The following SPOCD1 variants were observed in gnomAD, a reference collection of about 807,000 sequenced individuals.
SPOCD1 encodes the protein SPOC domain containing 1, also known as SPOC domain-containing protein 1.
Under a neutral mutation model 92.2 loss-of-function variants are expected in SPOCD1, and 64 were observed. The observed-to-expected ratio is 0.69, with a 90% confidence interval of 0.57 to 0.86. The LOEUF is 0.86. SPOCD1 is among the 40% of genes least tolerant of loss of function. SPOCD1 has a pLI of 0.00. For synonymous variants in SPOCD1, 578 were observed against 619.3 expected, an observed-to-expected ratio of 0.93 and a Z score of 0.99; for missense variants, 1,360 against 1,543.1, an observed-to-expected ratio of 0.88 and a Z score of 1.99.
chr1:31,793,092 C>T (rs748470294), intron 13 of SPOCD1, among the ~76,000 whole-genome samples, 186 bp downstream of exon 13: 44 of 152,244 alleles, frequency 2.9e-4, no homozygotes, highest in Admixed American at 6.5e-4. Flanking sequence ...GGGAGTCCTT[C>T]ACCCTGTTTG....
At chr1:31,801,803 T>G in intron 2 of SPOCD1, 98 bp from the exon 3 acceptor site, 1 of 1,011,828 alleles carries the variant, frequency 9.9e-7, no homozygotes. Context: ...TGAAAGGGTG[T>G]GTGTTCAGTG....
chr1:31,800,867 C>T (rs1215441349), intron 3 of SPOCD1, among the ~76,000 whole-genome samples: 1 of 152,222 alleles, frequency 6.6e-6, no homozygotes, highest in African/African-American at 2.4e-5. Flanking sequence ...TCTCCATCCG[C>T]ATCCTTTCTC....
intron 2 of SPOCD1, among the ~76,000 whole-genome samples, chr1:31,805,787 T>C (rs1325871112): frequency 6.6e-6 from 1 of 151,748 alleles, no homozygotes; most frequent in Admixed American, 6.6e-5. Flanking sequence ...CTATAACAAA[T>C]GTAAATGTAC....
intron 10 of SPOCD1, chr1:31,795,638 G>A (rs1205554313): frequency 3.3e-5 from 5 of 152,092 alleles, no homozygotes; most frequent in Non-Finnish European, 4.4e-5. Flanking sequence ...CACCCCTTAG[G>A]GATCCTCTTG....
At chr1:31,799,906 TG>T in intron 5 of SPOCD1, 43 bp from the exon 6 acceptor site, 1 of 1,613,856 alleles carries the variant, frequency 6.2e-7, no homozygotes, top group Middle Eastern at 1.7e-4. Flanking sequence ...CTGGTGGGCC[TG>T]GCTTCCAGCC....
chr1:31,792,671 C>T lies in SPOCD1; in HGVS notation c.2775+7G>A, dbSNP rs1410570321. On this transcript the variant is annotated splice_region_variant and intron_variant, in intron 14 of 15. Coordinates refer to ENST00000360482, the MANE Select transcript of SPOCD1 (RefSeq NM_144569.7). ...AAAAGAGGGGGTGCCCAAGAGTGGG[C>T]AGGTACCTTGGCCTTGGCTGGGCAG... 1.3e-6 allele frequency: 2 copies of T among 1,589,486 alleles called. No individual in the cohort carries two copies. Among genetic ancestry groups the T allele is most frequent in the African/African-American group, 1.3e-5 (1 of 74,650 alleles).
chr1:31,811,198 G>A (rs1649173783), intron 2 of SPOCD1, among the ~76,000 whole-genome samples: 1 of 152,188 alleles, frequency 6.6e-6, no homozygotes, highest in Non-Finnish European at 1.5e-5. Context: ...GCAGCCAGGC[G>A]CAGTGGCTCA....
intron 2 of SPOCD1, among the ~76,000 whole-genome samples, chr1:31,809,092 G>A (rs781476004): frequency 6.6e-6 from 1 of 152,160 alleles, no homozygotes; most frequent in Non-Finnish European, 1.5e-5. Flanking sequence ...GGGAGGCTGA[G>A]GCAGGAGAAT....
At chr1:31,791,472 T>C (rs1647589528) in intron 15 of SPOCD1, 181 bp from the exon 16 acceptor site, 3 of 488,180 alleles carry the variant, frequency 6.1e-6, no homozygotes, top group Non-Finnish European at 7.0e-6. Flanking sequence ...GGCTGGGGTA[T>C]GGATTGTTTG....
Position 31,793,770 on chromosome 1 carries a change from C to A in SPOCD1, c.2511G>T (p.Leu837Phe), listed in dbSNP as rs1422453765. 1 of 1,614,212 alleles carries A rather than the reference C, an allele frequency of 6.2e-7. No homozygotes were observed. Among genetic ancestry groups the A allele is most frequent in the Admixed American group, 1.7e-5 (1 of 60,020 alleles). The change falls in exon 12 of 16, where the codon TTG (leucine) becomes TTT (phenylalanine). Residue 837 changes from leucine to phenylalanine, a missense_variant. Leu to Phe is a conservative substitution (Grantham distance 22, BLOSUM62 0). Coordinates refer to ENST00000360482, the MANE Select transcript of SPOCD1 (RefSeq NM_144569.7). The stretch of plus-strand genomic sequence containing the variant: ...ACCTGTCCTGTGGTTCCGTGGGAGA[C>A]AACTCCCTGGTTTTGGGCATCTCTG... ...PAPEMPKTRE[L>F]SPTEPQDRVP...
rs1648049814 is a variant in SPOCD1 at position 31,796,651 on chromosome 1, T to C, written c.2210A>G (p.His737Arg). ...CCGCTGAATCTCCACTTCGCCCTTG[T>C]GGGTCATTTTGGAGGCTGGAAGTCT... ...PCRLPASKMT[H>R]KGEVEIQRDM... The change falls in exon 10 of 16, where the codon CAC becomes CGC. Residue 737 changes from histidine (H) to arginine (R), a missense_variant. His to Arg is a conservative substitution (Grantham distance 29). Around this residue, in one of 3 missense-constraint regions of SPOCD1, gnomAD observed 614 missense variants for 757.8 expected, o/e 0.81. Transcript: ENST00000360482. The C allele has an allele frequency of 6.2e-7, 1 of 1,614,194 alleles. No homozygotes were observed. The highest frequency in any genetic ancestry group is 1.3e-5 in the African/African-American group (1 of 75,054).
At chr1:31,799,588 C>A in intron 6 of SPOCD1, 103 bp from the exon 7 acceptor site, 2 of 1,154,380 alleles carry the variant, frequency 1.7e-6, no homozygotes, top group Admixed American at 2.0e-5. Context: ...GGGGTCCCAC[C>A]CTCAAAGACC....
intron 7 of SPOCD1, among the ~76,000 whole-genome samples, chr1:31,799,061 C>G (rs1648239258): frequency 6.6e-6 from 1 of 152,160 alleles, no homozygotes; most frequent in Admixed American, 6.5e-5. Flanking sequence ...GCCTTGGTCT[C>G]CCCATCAGCA....
rs527707465 is a variant in SPOCD1 at position 31,814,081 on chromosome 1, C to A, written c.1253G>T (p.Arg418Ile). Reference protein sequence around the residue: ...ACSGPFMEQRRSKGTKNLKKG... With the variant: ...ACSGPFMEQRISKGTKNLKKG... ...CTTCAGGTTCTTAGTGCCCTTGGATCTTCTCTGCTCCATGAATGGGCCTGA... is the reference window on the plus strand; with the variant it reads ...CTTCAGGTTCTTAGTGCCCTTGGATATTCTCTGCTCCATGAATGGGCCTGA... The change falls in exon 2 of 16, where the codon AGA (arginine) becomes ATA (isoleucine). Residue 418 changes from arginine (R) to isoleucine (I), a missense_variant. Arg to Ile is a moderately conservative substitution (Grantham distance 97, BLOSUM62 -3). Around this residue, in one of 3 missense-constraint regions of SPOCD1, gnomAD observed 606 missense variants for 601.5 expected, o/e 1.01. Transcript: ENST00000360482. This position sits in a 1 kb window ranked among gnomAD's most constrained non-coding sequence, Gnocchi z 4.2. 10 of 1,613,678 alleles carry A rather than the reference C, an allele frequency of 6.2e-6. No homozygotes were observed. The highest frequency in any genetic ancestry group is 8.5e-6 in the Non-Finnish European group (10 of 1,179,760).
rs761536360 is a variant in SPOCD1 at position 31,815,231 on chromosome 1, T to G, written c.103A>C (p.Met35Leu). The G allele has an allele frequency of 1.2e-6, 2 of 1,606,836 alleles. No individual in the cohort carries two copies. Among genetic ancestry groups the G allele is most frequent in the African/African-American group, 2.7e-5 (2 of 74,794 alleles). Reference sequence around the variant, plus strand: ...GGCCCATCTGGTGACAGGCCTGGCATGGAGCTGGCTCCTTCCATGTTCTGT... The same window carrying G: ...GGCCCATCTGGTGACAGGCCTGGCAGGGAGCTGGCTCCTTCCATGTTCTGT... The part of the protein sequence containing the change: ...LLQNMEGASS[M>L]PGLSPDGPGA... Residue 35 changes from methionine to leucine, a missense_variant, in exon 2 of 16, where the codon ATG becomes CTG. Physicochemically the swap from Met to Leu is conservative, Grantham distance 15 (BLOSUM62 2). Coordinates refer to ENST00000360482, the MANE Select transcript of SPOCD1 (RefSeq NM_144569.7).
In SPOCD1 at chr1:31,791,251, A is replaced by ACTTT; in HGVS notation, c.3002_3003insAAAG (p.Leu1002LysfsTer42). The ACTTT allele has an allele frequency of 6.4e-7, 1 of 1,569,920 alleles. No individual in the cohort carries two copies. The highest frequency in any genetic ancestry group is 8.6e-7 in the Non-Finnish European group (1 of 1,156,312). ...ACAGACTTGAGTGAGTGACCTCCAG[A>ACTTT]CCTGGGGAAAGGAGAGGGGAGACAG... On this transcript the variant is annotated frameshift_variant, in exon 16 of 16. Coordinates refer to ENST00000360482, the MANE Select transcript of SPOCD1 (RefSeq NM_144569.7). LOFTEE classifies it low-confidence loss of function (END_TRUNC).
Position 31,800,750 on chromosome 1 carries a change from G to A in SPOCD1, c.1426-133C>T, listed in dbSNP as rs536407879. The A allele has an allele frequency of 9.9e-4, 763 of 767,600 alleles. 5 individuals are homozygous for A. The Middle Eastern group carries it at 0.017, about 17-fold the overall frequency. 47.5% of individuals were successfully genotyped at this position (767,600 alleles called of 1,614,324 possible). A position where few individuals can be genotyped will look rare whatever the true frequency, so the allele number is the denominator to read the frequency against. On this transcript the variant is annotated intron_variant, in intron 3 of 15. Coordinates refer to ENST00000360482, the MANE Select transcript of SPOCD1 (RefSeq NM_144569.7). ...TAAGCTCCGTGAGGATAGAGAACAT[G>A]CCTGTCCTGGTCCCCGCTGTATTTG...
intron 9 of SPOCD1, 66 bp from the exon 10 acceptor site, chr1:31,796,781 G>A: frequency 6.2e-7 from 1 of 1,607,384 alleles, no homozygotes; most frequent in Non-Finnish European, 8.5e-7. Context: ...AAGCCCAAGT[G>A]CTCACTTTCC....
intron 15 of SPOCD1, 59 bp downstream of exon 15, chr1:31,792,156 G>A (rs1325418089): frequency 6.5e-7 from 1 of 1,537,244 alleles, no homozygotes; most frequent in East Asian, 2.4e-5. Context: ...TGTCAACCGT[G>A]CCTGGTCTGG....
Sources: gnomAD v4.1 joint callset for allele counts (sites outside exome capture counted in the v4.1 genomes callset) on GRCh38, gnomAD v4.1.1 for gene constraint, gnomAD v4.1.1 regional missense constraint, Gnocchi (gnomAD v3.1) non-coding constraint, MANE v1.5 for transcripts, NCBI Gene and HGNC (gene_info 2026-07-23, HGNC 2026-07-21) for gene names.